Variants in BID observed in about 807,000 individuals in gnomAD.
BID encodes BH3 interacting domain death agonist, also known as BH3-interacting domain death agonist.
In BID, 19 loss-of-function variants were observed where a neutral mutation model predicts 17.4. The ratio of observed to expected loss-of-function variants is 1.09; its 90% CI spans 0.76 to 1.60. The LOEUF (loss-of-function observed/expected upper bound fraction) is 1.60. BID is among the 40% of genes most tolerant of loss of function. The probability of loss-of-function intolerance (pLI) is 0.00; values close to 1 mark genes in which losing one functional copy is unlikely to be tolerated. For synonymous variants in BID, 108 were observed against 102.8 expected, an observed-to-expected ratio of 1.05 and a Z score of -0.31; for missense variants, 226 against 256.0, an observed-to-expected ratio of 0.88 and a Z score of 0.80.
At chr22:17,768,959 G>A (rs547438563) in intron 1 of BID, among the ~76,000 whole-genome samples, 29 of 151,602 alleles carry the variant, frequency 1.9e-4, no homozygotes, top group South Asian at 1.0e-3. Flanking sequence ...GGAGAATGGC[G>A]TGAACCTGGG....
At chr22:17,758,556 G>A (rs1479752299) in intron 1 of BID, among the ~76,000 whole-genome samples, 1 of 152,348 alleles carries the variant, frequency 6.6e-6, no homozygotes, top group Non-Finnish European at 1.5e-5. Flanking sequence ...TAACAGATGA[G>A]TGGAAAAATA....
chr22:17,756,487 TC>T (rs11341497), intron 1 of BID, among the ~76,000 whole-genome samples: 26 of 99,324 alleles, frequency 2.6e-4, no homozygotes, highest in African/African-American at 6.6e-4. Context: ...TTTCTTTCTT[TC>T]TTTCTTTCTC....
chr22:17,743,949 T>C lies in BID; in HGVS notation c.77A>G (p.Gln26Arg). Reference sequence around the variant, plus strand: ...GCGGAAGCTGTTGTCAGAACAGCTTTGGAGGAAGCCAAACACCAGTAGGTT... The same window carrying C: ...GCGGAAGCTGTTGTCAGAACAGCTTCGGAGGAAGCCAAACACCAGTAGGTT... Reference protein sequence around the residue: ...ITNLLVFGFLQSCSDNSFRRE... With the variant: ...ITNLLVFGFLRSCSDNSFRRE... The change falls in exon 3 of 6, where the codon CAA becomes CGA. Residue 26 changes from glutamine to arginine, a missense_variant. Transcript: ENST00000622694. The C allele has an allele frequency of 6.2e-7, 1 of 1,613,998 alleles. No homozygotes were observed. Among genetic ancestry groups the C allele is most frequent in the Non-Finnish European group, 8.5e-7 (1 of 1,180,038 alleles).
intron 5 of BID, 24 bp from the exon 6 acceptor site, chr22:17,735,615 C>T (rs1332967503): frequency 6.2e-6 from 10 of 1,613,932 alleles, no homozygotes; most frequent in Non-Finnish European, 8.5e-6. Flanking sequence ...GGAGAAAAAG[C>T]CAGAATCAGC....
In BID at chr22:17,742,644, C is replaced by T. The variant is rs8190322; in HGVS notation, c.223+1159G>A. Reference sequence around the variant, plus strand: ...AGCTTGGAAGGCCTGGACCAGGGTCCGGGGATCCCTGCAGGCTTTCAGGGC... The same window carrying T: ...AGCTTGGAAGGCCTGGACCAGGGTCTGGGGATCCCTGCAGGCTTTCAGGGC... On this transcript the variant is annotated intron_variant, in intron 3 of 5. Coordinates refer to ENST00000622694, the MANE Select transcript of BID (RefSeq NM_001196.4). Among the ~76,000 whole-genome samples the T allele has an allele frequency of 1.7e-3, 265 of 152,236 alleles. 5 individuals carry two copies. The highest frequency in any genetic ancestry group is 0.014 in the Admixed American group (215 of 15,294).
At chr22:17,771,187 C>T (rs1218364780) in intron 1 of BID, among the ~76,000 whole-genome samples, 1 of 152,250 alleles carries the variant, frequency 6.6e-6, no homozygotes, top group Admixed American at 6.5e-5. Flanking sequence ...GCAAGCTCCA[C>T]CTCCCGGGTT....
Position 17,767,270 on chromosome 22 carries a change from C to T in BID, c.-59+7111G>A, listed in dbSNP as rs1287453707. ...ATAAAGAAATAAATTATTAGAAGTA[C>T]GATTTTCCTACGTTCTGGAAATCTT... On this transcript the variant is annotated intron_variant, in intron 1 of 5. Coordinates refer to ENST00000622694, the MANE Select transcript of BID (RefSeq NM_001196.4). Among the ~76,000 whole-genome samples, 7 of 151,784 alleles carry T rather than the reference C, an allele frequency of 4.6e-5. No homozygotes were observed. The East Asian group carries it at 9.7e-4, about 21-fold the overall frequency.
At chr22:17,754,764 T>G (rs1374048841) in intron 1 of BID, among the ~76,000 whole-genome samples, 4 of 152,166 alleles carry the variant, frequency 2.6e-5, no homozygotes, top group South Asian at 4.1e-4. Context: ...GTTTTTGTTT[T>G]TGTTTGTGTT....
At chr22:17,736,142 G>A (rs765664341) in intron 5 of BID, among the ~76,000 whole-genome samples, 12 of 152,192 alleles carry the variant, frequency 7.9e-5, no homozygotes, top group Non-Finnish European at 1.5e-4. Flanking sequence ...AAAGCCTGAA[G>A]TAATGCTTCT....
intron 1 of BID, among the ~76,000 whole-genome samples, chr22:17,752,940 C>T (rs1218137364): frequency 2.1e-5 from 3 of 144,516 alleles, no homozygotes; most frequent in Non-Finnish European, 4.5e-5. Context: ...GCTGGGATTA[C>T]AGGCATGAGC....
At chr22:17,753,390 C>T (rs936073253) in intron 1 of BID, among the ~76,000 whole-genome samples, 8 of 152,244 alleles carry the variant, frequency 5.3e-5, no homozygotes, top group Admixed American at 3.3e-4. Context: ...TGAGGCCACA[C>T]GGCCCAGACC....
chr22:17,767,917 C>A (rs1038389150), intron 1 of BID, among the ~76,000 whole-genome samples: 3 of 152,156 alleles, frequency 2.0e-5, no homozygotes, highest in Non-Finnish European at 4.4e-5. Flanking sequence ...GAGACCCTGT[C>A]TCTACAAAAA....
chr22:17,746,084 G>A (rs182693753), intron 2 of BID, among the ~76,000 whole-genome samples: 62 of 152,282 alleles, frequency 4.1e-4, no homozygotes, highest in African/African-American at 1.4e-3. Flanking sequence ...CACGGATGGA[G>A]CTAGAGGCCA....
At chr22:17,754,629 A>C (rs2061568010) in intron 1 of BID, among the ~76,000 whole-genome samples, 1 of 152,270 alleles carries the variant, frequency 6.6e-6, no homozygotes, top group African/African-American at 2.4e-5. Flanking sequence ...AGGTGCTCCC[A>C]GAAGAAGATT....
At chr22:17,744,766 T>A (rs1480869710) in intron 2 of BID, among the ~76,000 whole-genome samples, 2 of 152,140 alleles carry the variant, frequency 1.3e-5, no homozygotes, top group Admixed American at 6.5e-5. Context: ...GTACTGACTG[T>A]GTTTGGGGGC....
Position 17,757,714 on chromosome 22 carries a change from A to AG in BID, c.-58-7541_-58-7540insC, listed in dbSNP as rs1284233016. Among the ~76,000 whole-genome samples, 274 of 151,898 alleles carry AG rather than the reference A, an allele frequency of 1.8e-3. 2 individuals are homozygous for AG. The highest frequency in any genetic ancestry group is 6.4e-3 in the African/African-American group (265 of 41,392). ...ACAGAGCGAGACTCCGTCTCAAAAA[A>AG]AAAAAAAAAAGAAAAAAAGAAAGCA... On this transcript the variant is annotated intron_variant, in intron 1 of 5. Coordinates refer to ENST00000622694, the MANE Select transcript of BID (RefSeq NM_001196.4).
At chr22:17,736,682 A>G (rs568569370) in intron 5 of BID, among the ~76,000 whole-genome samples, 19 of 152,058 alleles carry the variant, frequency 1.2e-4, no homozygotes, top group Non-Finnish European at 1.9e-4. Context: ...GCAGTGGCAC[A>G]ATCAGCTCAC....
In BID at chr22:17,735,498, C is replaced by A; in HGVS notation, c.*82G>T. ...TTCTCTAGGAACGCTGTTGACATGC[C>A]AGGGCTCCGTCTACACTGGAAGCAG... On this transcript the variant is annotated 3_prime_UTR_variant, in exon 6 of 6. Transcript: ENST00000622694. 6.4e-7 allele frequency: 1 copy of A among 1,554,486 alleles called. No individual in the cohort carries two copies. Among genetic ancestry groups the A allele is most frequent in the Non-Finnish European group, 8.9e-7 (1 of 1,127,222 alleles).
Position 17,769,496 on chromosome 22 carries a change from C to T in BID, c.-59+4885G>A, listed in dbSNP as rs759030070. 1.1e-4 allele frequency among the ~76,000 whole-genome samples: 17 copies of T among 152,216 alleles called. No individual in the cohort carries two copies. The highest frequency in any genetic ancestry group is 1.6e-4 in the Non-Finnish European group (11 of 68,026). On this transcript the variant is annotated intron_variant, in intron 1 of 5. Coordinates refer to ENST00000622694, the MANE Select transcript of BID (RefSeq NM_001196.4). The surrounding 1 kb of genome is among the most constrained non-coding windows in gnomAD (Gnocchi z 4.8). ...GAAGTGGGGCTTGGGTAAACAGGAA[C>T]GGACGTGGCCATCAGGCCGGAAGGG...
Sources: allele counts gnomAD v4.1 joint callset (sites outside exome capture counted in the v4.1 genomes callset), GRCh38; gene constraint gnomAD v4.1.1; non-coding constraint Gnocchi (gnomAD v3.1); transcripts MANE v1.5; gene names NCBI Gene and HGNC (gene_info 2026-07-23, HGNC 2026-07-21).